CUX1: variants seen among roughly 807,000 people sequenced by gnomAD.
CUX1 encodes cut like homeobox 1, also known as protein CASP.
In CUX1, 31 loss-of-function variants were observed where a neutral mutation model predicts 158.8. That is an observed-to-expected ratio of 0.20 (90% confidence interval 0.15 to 0.26). The LOEUF is 0.26. Among genes scored for constraint, CUX1 ranks in the 10% least tolerant of loss-of-function variants. The pLI is 1.00. For missense variants in CUX1, 1,589 were observed against 2,014.6 expected, an observed-to-expected ratio of 0.79 and a Z score of 4.04; for synonymous variants, 879 against 862.1, an observed-to-expected ratio of 1.02 and a Z score of -0.34.
At chr7:102,059,091 G>A (rs1356130217) in intron 3 of CUX1, among the ~76,000 whole-genome samples, 1 of 152,220 alleles carries the variant, frequency 6.6e-6, no homozygotes, top group Non-Finnish European at 1.5e-5. Flanking sequence ...TTTGCACTGT[G>A]GGGAGAGAGA....
At chr7:101,901,669 C>G (rs948730576) in intron 1 of CUX1, among the ~76,000 whole-genome samples, 2 of 152,144 alleles carry the variant, frequency 1.3e-5, no homozygotes, top group African/African-American at 4.8e-5. Context: ...TCCCAGGGAC[C>G]CCCCAAAGCG....
intron 5 of CUX1, among the ~76,000 whole-genome samples, chr7:102,100,264 C>T (rs1416157304): frequency 2.0e-5 from 3 of 152,076 alleles, no homozygotes; most frequent in Non-Finnish European, 4.4e-5. Flanking sequence ...GGCAACAGAG[C>T]GAGACTCCAT....
chr7:102,096,264 G>T (rs1217568915), intron 4 of CUX1, among the ~76,000 whole-genome samples: 1 of 152,244 alleles, frequency 6.6e-6, no homozygotes, highest in African/African-American at 2.4e-5. Context: ...CTTGGGACCT[G>T]CGGCCGCTAA....
intron 2 of CUX1, among the ~76,000 whole-genome samples, chr7:102,005,133 C>T (rs1280750520): frequency 1.3e-5 from 2 of 152,158 alleles, no homozygotes; most frequent in Non-Finnish European, 2.9e-5. Context: ...AGCTTCTACC[C>T]AGAAGTACCT....
chr7:102,217,894 G>C (rs1383794995), intron 20 of CUX1, among the ~76,000 whole-genome samples: 2 of 150,862 alleles, frequency 1.3e-5, no homozygotes, highest in African/African-American at 4.9e-5. Flanking sequence ...CTAGAGGGAG[G>C]GAGGATCTGG....
In CUX1 at chr7:102,195,564, G is replaced by T; in HGVS notation, c.1183G>T (p.Glu395Ter). Residue 395 changes from glutamate to a stop codon, truncating the protein, a stop_gained, in exon 14 of 24, where the codon GAG (glutamate) becomes TAG (stop). Transcript: ENST00000292535. LOFTEE classifies it high-confidence loss of function. ...GGAGAAGAACCGCTCGCTGCAGTCC[G>T]AGAACGCCGCGCTGCGCATCTCCAA... is the stretch of plus-strand genomic sequence containing the variant. ...LLEKNRSLQS[E>*]NAALRISNSD... 1 of 1,612,878 alleles carries T rather than the reference G, an allele frequency of 6.2e-7. No individual in the cohort carries two copies. Among genetic ancestry groups the T allele is most frequent in the Non-Finnish European group, 8.5e-7 (1 of 1,179,828 alleles).
rs777505135 is a variant in CUX1 at position 102,048,916 on chromosome 7, AAAAC to A, written c.189+20785_189+20788del. 3.2e-4 allele frequency among the ~76,000 whole-genome samples: 49 copies of A among 152,266 alleles called. No individual in the cohort carries two copies. The East Asian group carries it at 7.7e-3, about 24-fold the overall frequency. ...TGACAGAGCGAGACTCTATCTCAAA[AAAAC>A]AAACAAACAAACATGAGCTCCATGT... is the stretch of plus-strand genomic sequence containing the variant. On this transcript the variant is annotated intron_variant, in intron 3 of 23. Coordinates refer to ENST00000292535, the MANE Select transcript of CUX1 (RefSeq NM_181552.4).
At chr7:102,231,863 A>G (rs1229640089) in intron 21 of CUX1, among the ~76,000 whole-genome samples, 2 of 151,772 alleles carry the variant, frequency 1.3e-5, no homozygotes, top group Non-Finnish European at 2.9e-5. Context: ...ACAGGGGCCC[A>G]CCACCACGCC....
At chr7:102,061,339 C>T (rs1329061710) in intron 3 of CUX1, among the ~76,000 whole-genome samples, 1 of 152,112 alleles carries the variant, frequency 6.6e-6, no homozygotes, top group Non-Finnish European at 1.5e-5. Flanking sequence ...TTCCATTGAC[C>T]ATGTGGCCCC....
chr7:101,887,356 C>G (rs967695197), intron 1 of CUX1, among the ~76,000 whole-genome samples: 3 of 151,862 alleles, frequency 2.0e-5, no homozygotes, highest in Non-Finnish European at 4.4e-5. Context: ...TGCCAGGCTA[C>G]AGTGCAGTGG....
chr7:101,850,751 T>C (rs183577627), intron 1 of CUX1, among the ~76,000 whole-genome samples: 1 of 152,276 alleles, frequency 6.6e-6, no homozygotes, highest in Non-Finnish European at 1.5e-5. Flanking sequence ...GTTGACTTAC[T>C]GATGTGTTTT....
At chr7:102,141,377 A>G (rs1342677478) in intron 8 of CUX1, among the ~76,000 whole-genome samples, 2 of 152,108 alleles carry the variant, frequency 1.3e-5, no homozygotes, top group African/African-American at 4.8e-5. Context: ...GGACAAATCT[A>G]TAGAACTCTG....
At chr7:101,988,810 G>A (rs955418709) in intron 2 of CUX1, among the ~76,000 whole-genome samples, 8 of 151,892 alleles carry the variant, frequency 5.3e-5, no homozygotes, top group African/African-American at 1.9e-4. Flanking sequence ...AGCCAGCCTC[G>A]GCAGCATAAT....
rs1343491694 is a variant in CUX1 at position 101,817,696 on chromosome 7, C to G, written c.30+27C>G. The G allele has an allele frequency of 6.5e-7, 1 of 1,549,578 alleles. No homozygotes were observed. The highest frequency in any genetic ancestry group is 8.7e-7 in the Non-Finnish European group (1 of 1,146,664). On this transcript the variant is annotated intron_variant, in intron 1 of 23. Coordinates refer to ENST00000292535, the MANE Select transcript of CUX1 (RefSeq NM_181552.4). The surrounding 1 kb of genome is among the most constrained non-coding windows in gnomAD (Gnocchi z 4.1). The stretch of plus-strand genomic sequence containing the variant: ...TGAGCGGCGTGTGGGCCAGAAGTCC[C>G]GAGGTTGCAGGCGCGGAGGGAACCG...
chr7:101,976,951 T>C (rs1812779647), intron 2 of CUX1, among the ~76,000 whole-genome samples: 1 of 147,624 alleles, frequency 6.8e-6, no homozygotes, highest in East Asian at 2.0e-4. Flanking sequence ...TCGTTCTTGT[T>C]ACCCAGGCTG....
At chr7:102,127,445 T>G (rs1373221795) in intron 8 of CUX1, among the ~76,000 whole-genome samples, 1 of 152,122 alleles carries the variant, frequency 6.6e-6, no homozygotes, top group Non-Finnish European at 1.5e-5. Flanking sequence ...GCTCAAACAA[T>G]CCTCCCACCT....
chr7:102,158,591 C>T lies in CUX1; in HGVS notation c.706C>T (p.Leu236Phe), dbSNP rs1554506041. The change falls in exon 9 of 24, where the codon CTT becomes TTT. Residue 236 changes from leucine to phenylalanine, a missense_variant. Around this residue, in one of 8 missense-constraint regions of CUX1, gnomAD observed 515 missense variants for 574.4 expected, o/e 0.90. Transcript: ENST00000292535. The part of the protein sequence containing the change: ...ADEIEMIMTD[L>F]ERANQRAEVA... Reference sequence around the variant, plus strand: ...CGAGATTGAAATGATCATGACGGACCTTGAAAGGGCAAACCAGGTAGGACC... The same window carrying T: ...CGAGATTGAAATGATCATGACGGACTTTGAAAGGGCAAACCAGGTAGGACC... 6.2e-7 allele frequency: 1 copy of T among 1,613,986 alleles called. No homozygotes were observed. The highest frequency in any genetic ancestry group is 1.1e-5 in the South Asian group (1 of 91,040).
intron 2 of CUX1, among the ~76,000 whole-genome samples, chr7:101,962,104 C>T (rs912795009): frequency 4.6e-5 from 7 of 152,298 alleles, no homozygotes; most frequent in African/African-American, 1.4e-4. Flanking sequence ...TCTGCCATGA[C>T]ATATTCCTTC....
At position 102,252,497 on chromosome 7, in the gene CUX1, C is replaced by T; in HGVS notation, c.*3455C>T. The stretch of plus-strand genomic sequence containing the variant: ...CACTTAATTACAAGCTCCATTATGC[C>T]ATTTTAAATGGCTTCTTTTTGTTAA... On this transcript the variant is annotated 3_prime_UTR_variant, in exon 24 of 24. Coordinates refer to ENST00000292535, the MANE Select transcript of CUX1 (RefSeq NM_181552.4). The T allele has an allele frequency of 1.0e-6, 1 of 985,432 alleles. No homozygotes were observed. The highest frequency in any genetic ancestry group is 1.1e-4 in the East Asian group (1 of 8,824). The allele number at this position is 985,432 out of a possible 1,614,324, so 61.0% of individuals were successfully genotyped here.
Sources: gnomAD v4.1 joint callset for allele counts (sites outside exome capture counted in the v4.1 genomes callset) on GRCh38, gnomAD v4.1.1 for gene constraint, gnomAD v4.1.1 regional missense constraint, Gnocchi (gnomAD v3.1) non-coding constraint, MANE v1.5 for transcripts, NCBI Gene and HGNC (gene_info 2026-07-23, HGNC 2026-07-21) for gene names.